ABCA8: variants seen among roughly 807,000 people sequenced by gnomAD.
The protein encoded by ABCA8 is ABC-type organic anion transporter ABCA8.
In ABCA8, 177 loss-of-function variants were observed where a neutral mutation model predicts 192.3. The observed-to-expected ratio is 0.92, with a 90% confidence interval of 0.81 to 1.04. ABCA8 has a LOEUF of 1.04. Among genes scored for constraint, ABCA8 ranks in the 50% least tolerant of loss-of-function variants. The pLI, the probability that ABCA8 is intolerant of heterozygous loss-of-function variation, is 0.00. For missense variants in ABCA8, 1,915 were observed against 1,904.8 expected, an observed-to-expected ratio of 1.01 and a Z score of -0.10; for synonymous variants, 642 against 690.2, an observed-to-expected ratio of 0.93 and a Z score of 1.09.
intron 37 of ABCA8, among the ~76,000 whole-genome samples, chr17:68,874,487 A>G (rs1409964383): frequency 6.6e-6 from 1 of 152,240 alleles, no homozygotes; most frequent in Non-Finnish European, 1.5e-5. Context: ...TTCACAAGAC[A>G]TCATTACATA....
At chr17:68,883,178 T>G (rs932452473) in intron 29 of ABCA8, among the ~76,000 whole-genome samples, 1 of 152,234 alleles carries the variant, frequency 6.6e-6, no homozygotes, top group Admixed American at 6.5e-5. Context: ...TCTCTTCCCT[T>G]GAGTGCCTCC....
intron 24 of ABCA8, among the ~76,000 whole-genome samples, chr17:68,890,462 AT>A (rs1382212129): frequency 6.6e-6 from 1 of 152,206 alleles, no homozygotes; most frequent in East Asian, 1.9e-4. Flanking sequence ...ATATATAAGT[AT>A]AGTTAATATT....
rs1236919872 is a variant in ABCA8 at position 68,868,366 on chromosome 17, G to A, written c.4712-10C>T. The A allele has an allele frequency of 1.9e-6, 3 of 1,608,892 alleles. No individual in the cohort carries two copies. Among genetic ancestry groups the A allele is most frequent in the South Asian group, 1.1e-5 (1 of 90,986 alleles). ...TCAAAGCTCTGTTTAACTGCATAGG[G>A]ATGAACATGTATTAGTTCATATATT... On this transcript the variant is annotated splice_polypyrimidine_tract_variant and intron_variant, in intron 38 of 39. Transcript: ENST00000586539.
intron 2 of ABCA8, among the ~76,000 whole-genome samples, chr17:68,942,607 T>C (rs2068264266): frequency 6.6e-6 from 1 of 151,950 alleles, no homozygotes; most frequent in Non-Finnish European, 1.5e-5. Context: ...CTCGAAGCTC[T>C]GTTTCCTTTG....
At chr17:68,941,018 C>T (rs2068215387) in intron 3 of ABCA8, 56 bp from the exon 4 acceptor site, 2 of 1,373,684 alleles carry the variant, frequency 1.5e-6, no homozygotes, top group Non-Finnish European at 2.0e-6. Context: ...TAGTCATCCA[C>T]AATCATTTTG....
intron 37 of ABCA8, among the ~76,000 whole-genome samples, chr17:68,872,501 G>A (rs1011236399): frequency 9.3e-5 from 14 of 149,870 alleles, no homozygotes; most frequent in Non-Finnish European, 1.3e-4. Context: ...TGGGTGCAGC[G>A]CACCAGCATG....
In ABCA8 at chr17:68,906,174, C is replaced by T. The variant is rs773614506; in HGVS notation, c.2279-11G>A. The T allele has an allele frequency of 1.1e-5, 17 of 1,517,590 alleles. 1 individual carries two copies. The South Asian group carries it at 2.3e-4, about 21-fold the overall frequency. The allele number at this position is 1,517,590 out of a possible 1,614,324, so 94.0% of individuals were successfully genotyped here. A position where few individuals can be genotyped will look rare whatever the true frequency, so the allele number is the denominator to read the frequency against. On this transcript the variant is annotated splice_polypyrimidine_tract_variant and intron_variant, in intron 18 of 39. Coordinates refer to ENST00000586539, the MANE Select transcript of ABCA8 (RefSeq NM_001288985.2). ...GATCCTTGTAAAGTTCTAAAGAATA[C>T]ATATACAGCAGTGAATTAAAACAAG...
At chr17:68,951,614 TGTTA>T (rs1423076216) in intron 1 of ABCA8, among the ~76,000 whole-genome samples, 1 of 152,256 alleles carries the variant, frequency 6.6e-6, no homozygotes, top group African/African-American at 2.4e-5. Flanking sequence ...ATTATATCTC[TGTTA>T]GTTTTCAGCA....
Position 68,887,150 on chromosome 17 carries a change from G to C in ABCA8, c.3316-20C>G. 1.3e-6 allele frequency: 2 copies of C among 1,536,878 alleles called. No individual in the cohort carries two copies. The highest frequency in any genetic ancestry group is 1.8e-6 in the Non-Finnish European group (2 of 1,125,950). ...TGGGATCTAAAATCAACAGGAATGT[G>C]AAGCTTAGTTAAATACAAATGCAAT... On this transcript the variant is annotated intron_variant, in intron 25 of 39. Coordinates refer to ENST00000586539, the MANE Select transcript of ABCA8 (RefSeq NM_001288985.2).
At chr17:68,891,774 A>G (rs1408433536) in intron 23 of ABCA8, among the ~76,000 whole-genome samples, 178 bp from the exon 24 acceptor site, 2 of 152,166 alleles carry the variant, frequency 1.3e-5, no homozygotes, top group South Asian at 2.1e-4. Context: ...TTTCTACTCA[A>G]ATTTACAGAT....
chr17:68,947,884 C>G (rs2068455903), intron 2 of ABCA8, among the ~76,000 whole-genome samples: 1 of 152,074 alleles, frequency 6.6e-6, no homozygotes. Flanking sequence ...TTCTAATGCC[C>G]TTCATCCCCT....
chr17:68,929,244 GAGA>G lies in ABCA8; in HGVS notation c.940-13_940-11del, dbSNP rs750101007. Reference sequence around the variant, plus strand: ...AGAAAGCCAAAGCTACCTAAAATGAGAGAAGATCTAGTTGGTTTATGTTTCTCT... The same window carrying G: ...AGAAAGCCAAAGCTACCTAAAATGAGAGATCTAGTTGGTTTATGTTTCTCT... On this transcript the variant is annotated splice_polypyrimidine_tract_variant and intron_variant, in intron 8 of 39. Transcript: ENST00000586539. 1.2e-5 allele frequency: 19 copies of G among 1,576,088 alleles called. No homozygotes were observed. The highest frequency in any genetic ancestry group is 2.7e-5 in the African/African-American group (2 of 73,642).
intron 37 of ABCA8, among the ~76,000 whole-genome samples, chr17:68,873,791 T>C (rs1345183367): frequency 6.6e-6 from 1 of 152,206 alleles, no homozygotes; most frequent in Admixed American, 6.5e-5. Context: ...CCCAACACAA[T>C]TGGTTGAAGA....
chr17:68,917,327 T>G (rs768705524), intron 17 of ABCA8, 34 bp downstream of exon 17: 1 of 1,340,474 alleles, frequency 7.5e-7, no homozygotes, highest in Non-Finnish European at 1.1e-6. Context: ...AGCCTTACAC[T>G]AGATCTACTC....
At chr17:68,940,689 TATAA>T in intron 4 of ABCA8, 65 bp downstream of exon 4, 1 of 1,376,092 alleles carries the variant, frequency 7.3e-7, no homozygotes, top group Non-Finnish European at 1.0e-6. Flanking sequence ...AAATTAAATG[TATAA>T]ATCTGCGGTC....
chr17:68,871,005 TA>T (rs2066035852), intron 37 of ABCA8, among the ~76,000 whole-genome samples: 2 of 152,190 alleles, frequency 1.3e-5, no homozygotes, highest in South Asian at 4.2e-4. Context: ...TAGCAACAGT[TA>T]TTTTTTTGGG....
chr17:68,869,611 T>C, intron 38 of ABCA8, 89 bp downstream of exon 38: 1 of 950,958 alleles, frequency 1.1e-6, no homozygotes, highest in South Asian at 1.6e-5. Flanking sequence ...ATGCATTTTG[T>C]CACATTTCAT....
chr17:68,900,899 G>T (rs2066892670), intron 21 of ABCA8, among the ~76,000 whole-genome samples: 1 of 151,922 alleles, frequency 6.6e-6, no homozygotes, highest in Non-Finnish European at 1.5e-5. Context: ...ACTAGAAAAA[G>T]ACATGTCACA....
At chr17:68,889,812 T>C (rs1380790683) in intron 24 of ABCA8, among the ~76,000 whole-genome samples, 1 of 152,198 alleles carries the variant, frequency 6.6e-6, no homozygotes, top group Admixed American at 6.5e-5. Flanking sequence ...AGGTACCTAA[T>C]TATTTGTGGT....
Sources: allele counts gnomAD v4.1 joint callset (sites outside exome capture counted in the v4.1 genomes callset), GRCh38; gene constraint gnomAD v4.1.1; transcripts MANE v1.5; gene names NCBI Gene and HGNC (gene_info 2026-07-23, HGNC 2026-07-21).